SPATA9: variants seen among roughly 807,000 people sequenced by gnomAD.
SPATA9 encodes spermatogenesis-associated protein 9.
Under a neutral mutation model 25.5 loss-of-function variants are expected in SPATA9, and 27 were observed. That is an observed-to-expected ratio of 1.06 (90% confidence interval 0.78 to 1.46). SPATA9 has a LOEUF of 1.46. Ranked by LOEUF, SPATA9 falls within the 40% of genes most tolerant of loss-of-function variation. The pLI is 0.00. For missense variants in SPATA9, 282 were observed against 297.5 expected (o/e 0.95, Z 0.38); for synonymous variants, 102 against 105.7 (o/e 0.97, Z 0.21).
chr5:95,715,051 T>C, the SPATA9 span, among the ~76,000 whole-genome samples: 10 of 152,096 alleles, frequency 6.6e-5, no homozygotes, highest in East Asian at 1.5e-3. Context: ...TGTGGCCGGG[T>C]GTGGTGGCTA....
chr5:95,704,916 G>A, the SPATA9 span, among the ~76,000 whole-genome samples: 107 of 151,874 alleles, frequency 7.0e-4, no homozygotes, highest in Middle Eastern at 6.8e-3. Flanking sequence ...CCCTTTTATA[G>A]GGGTATTAAT....
intron 1 of SPATA9, among the ~76,000 whole-genome samples, chr5:95,695,865 G>T (rs1036333943): frequency 5.9e-5 from 9 of 152,256 alleles, no homozygotes; most frequent in African/African-American, 1.4e-4. Flanking sequence ...CAGCAGAAAT[G>T]ATGGAATGTT....
In SPATA9 at chr5:95,658,983, A is replaced by G. The variant is rs567448883; in HGVS notation, c.475-70T>C. On this transcript the variant is annotated intron_variant, in intron 4 of 4. Transcript: ENST00000274432. ...TACTAACCACAGATTAAAAACATAC[A>G]ATATAGTGTTCCACATAAAGTCATT... 5.4e-5 allele frequency: 81 copies of G among 1,512,026 alleles called. No individual in the cohort carries two copies. In the South Asian group the frequency reaches 9.1e-4, roughly 17 times the overall value. 93.7% of individuals were successfully genotyped at this position (1,512,026 alleles called of 1,614,324 possible). A position where few individuals can be genotyped will look rare whatever the true frequency, so the allele number is the denominator to read the frequency against.
At chr5:95,712,553 G>C in the SPATA9 span, among the ~76,000 whole-genome samples, 6 of 152,208 alleles carry the variant, frequency 3.9e-5, no homozygotes, top group Non-Finnish European at 7.3e-5. Context: ...GGTGTGTGTA[G>C]GGCATCTGGT....
rs371961929 is a variant in SPATA9 at position 95,674,654 on chromosome 5, G to A, written c.378+758C>T. 2.6e-5 allele frequency: 10 copies of A among 383,394 alleles called. 1 individual carries two copies. Among genetic ancestry groups the A allele is most frequent in the African/African-American group, 1.9e-4 (9 of 46,730 alleles). The allele number at this position is 383,394 out of a possible 1,614,324, so 23.7% of individuals were successfully genotyped here. On this transcript the variant is annotated intron_variant, in intron 3 of 4. Coordinates refer to ENST00000274432, the MANE Select transcript of SPATA9 (RefSeq NM_031952.4). ...CAGAACCAAGACACTGAGCAAAAGC[G>A]AGAAAGGATCCGGAAGGTATCGTTT...
intron 3 of SPATA9, among the ~76,000 whole-genome samples, chr5:95,666,573 ATAG>A (rs780778534): frequency 1.6e-4 from 24 of 152,232 alleles, no homozygotes; most frequent in South Asian, 4.1e-4. Flanking sequence ...AATATTAATA[ATAG>A]TAATAATAAT....
the SPATA9 span, chr5:95,708,790 TC>T: frequency 1.7e-6 from 1 of 601,490 alleles, no homozygotes. Flanking sequence ...AAAGGTGACT[TC>T]CTTGGAAGTA....
upstream of SPATA9, among the ~76,000 whole-genome samples, chr5:95,683,747 T>C (rs913979448): frequency 8.6e-5 from 13 of 151,948 alleles, no homozygotes; most frequent in Non-Finnish European, 1.9e-4. Context: ...CCGTGTTAGC[T>C]AGGATGGTCT....
the SPATA9 span, chr5:95,731,668 C>G: frequency 6.2e-7 from 1 of 1,613,354 alleles, no homozygotes. Flanking sequence ...CCGCCCTGCC[C>G]TTGGATTTGA....
chr5:95,691,498 T>G (rs36099334), intron 1 of SPATA9, among the ~76,000 whole-genome samples: 6 of 152,208 alleles, frequency 3.9e-5, no homozygotes, highest in Non-Finnish European at 7.3e-5. Context: ...TTGACTACCG[T>G]GGCTTAATAG....
Position 95,653,259 on chromosome 5 carries a change from G to A in SPATA9, c.*448-50C>T, listed in dbSNP as rs1228904363. On this transcript the variant is annotated intron_variant and NMD_transcript_variant, in intron 8 of 8. Coordinates refer to the SPATA9 transcript ENST00000316087. Reference sequence around the variant, plus strand: ...TCATTCATACCCACCTTCTCTTGCTGTAATAGCTATCTGGTTGTGCCTGTA... The same window carrying A: ...TCATTCATACCCACCTTCTCTTGCTATAATAGCTATCTGGTTGTGCCTGTA... 11 of 1,549,798 alleles carry A rather than the reference G, an allele frequency of 7.1e-6. No homozygotes were observed. The East Asian group carries it at 1.2e-4, about 17-fold the overall frequency.
chr5:95,701,443 T>C (rs904905677), upstream of SPATA9: 5 of 67,346 alleles, frequency 7.4e-5, no homozygotes, highest in African/African-American at 4.8e-4. Context: ...GTAATAAAAA[T>C]ATTTTTTATC....
chr5:95,686,730 T>C (rs1339404728), upstream of SPATA9, among the ~76,000 whole-genome samples: 1 of 152,134 alleles, frequency 6.6e-6, no homozygotes, highest in East Asian at 1.9e-4. Flanking sequence ...CAGTGAGGCA[T>C]CCCACTCTGA....
exon 9 of SPATA9, chr5:95,653,040 A>G (rs1476531845): frequency 4.6e-6 from 7 of 1,534,934 alleles, no homozygotes; most frequent in South Asian, 1.2e-5. Context: ...AATCTTGCAT[A>G]TTATGTTCCA....
upstream of SPATA9, among the ~76,000 whole-genome samples, chr5:95,687,860 G>A (rs1009049517): frequency 1.3e-5 from 2 of 152,128 alleles, no homozygotes; most frequent in Non-Finnish European, 2.9e-5. Flanking sequence ...TTGTTCGAGG[G>A]TGTATTCCCA....
chr5:95,700,587 C>A (rs1243275070), upstream of SPATA9, among the ~76,000 whole-genome samples: 1 of 149,686 alleles, frequency 6.7e-6, no homozygotes, highest in Non-Finnish European at 1.5e-5. Context: ...CTTGAGCCAC[C>A]GCGCCTGGCC....
At chr5:95,688,462 G>T (rs1435789513) in intron 1 of SPATA9, among the ~76,000 whole-genome samples, 1 of 152,114 alleles carries the variant, frequency 6.6e-6, no homozygotes, top group East Asian at 1.9e-4. Flanking sequence ...ATGTTGCCCA[G>T]GCTGGTGTTG....
At chr5:95,715,362 A>G in the SPATA9 span, among the ~76,000 whole-genome samples, 309 of 152,214 alleles carry the variant, frequency 2.0e-3, 3 homozygotes, top group Non-Finnish European at 3.7e-3. Context: ...GCAAAGGGCC[A>G]AGACAAGACA....
the SPATA9 span, chr5:95,731,770 G>A: frequency 1.1e-4 from 169 of 1,604,788 alleles, no homozygotes; most frequent in Admixed American, 6.9e-4. Flanking sequence ...CATCCTCGCC[G>A]CGCGCTGTCC....
Sources: gnomAD v4.1 joint callset for allele counts (sites outside exome capture counted in the v4.1 genomes callset) on GRCh38, gnomAD v4.1.1 for gene constraint, MANE v1.5 for transcripts, NCBI Gene and HGNC (gene_info 2026-07-23, HGNC 2026-07-21) for gene names.